Variants in SLC16A1 observed in about 807,000 individuals in gnomAD.
The protein encoded by SLC16A1 is monocarboxylate transporter 1.
Under a neutral mutation model 32.2 loss-of-function variants are expected in SLC16A1, and 11 were observed. The ratio of observed to expected loss-of-function variants is 0.34; its 90% CI spans 0.21 to 0.56. The LOEUF is 0.56. SLC16A1 is among the 20% of genes least tolerant of loss of function. SLC16A1 has a pLI of 0.87. For synonymous variants in SLC16A1, 231 were observed against 226.8 expected (o/e 1.02, Z -0.17); for missense variants, 435 against 615.0 (o/e 0.71, Z 3.10).
At chr1:112,924,130 C>A (rs1483684940) in intron 2 of SLC16A1, 3 of 1,414,656 alleles carry the variant, frequency 2.1e-6, no homozygotes, top group Non-Finnish European at 3.0e-6. Flanking sequence ...GCCAGCGCCC[C>A]CAGCATGACC....
chr1:112,934,817 C>G (rs767605633), intron 1 of SLC16A1, among the ~76,000 whole-genome samples: 6 of 152,122 alleles, frequency 3.9e-5, no homozygotes, highest in Non-Finnish European at 5.9e-5. Context: ...TGTTGTTCTT[C>G]CAGAGATACA....
At chr1:112,939,995 T>C (rs901159587) in intron 1 of SLC16A1, among the ~76,000 whole-genome samples, 3 of 151,560 alleles carry the variant, frequency 2.0e-5, no homozygotes, top group African/African-American at 7.3e-5. Context: ...TTTCAGATAA[T>C]TGAGGATATT....
chr1:112,955,656 C>T (rs987023579), intron 1 of SLC16A1: 2 of 152,328 alleles, frequency 1.3e-5, no homozygotes. Flanking sequence ...GGAGGTACCA[C>T]ATGCAGCAGC....
At chr1:112,942,150 T>C (rs956050168) in intron 1 of SLC16A1, among the ~76,000 whole-genome samples, 1 of 152,122 alleles carries the variant, frequency 6.6e-6, no homozygotes, top group Non-Finnish European at 1.5e-5. Context: ...TTTTGTATTT[T>C]TAGTACAGAC....
intron 1 of SLC16A1, among the ~76,000 whole-genome samples, chr1:112,948,733 C>G (rs1187647444): frequency 6.6e-6 from 1 of 152,124 alleles, no homozygotes. Flanking sequence ...GAACTCCTGA[C>G]CTCAGGTGTT....
At chr1:112,948,000 C>A (rs2101651353) in intron 1 of SLC16A1, among the ~76,000 whole-genome samples, 1 of 152,282 alleles carries the variant, frequency 6.6e-6, no homozygotes, top group Non-Finnish European at 1.5e-5. Context: ...GGGCGGATCA[C>A]CTGAGGTCAG....
At chr1:112,923,144 A>AG (rs1648797536) in intron 2 of SLC16A1, among the ~76,000 whole-genome samples, 3 of 151,590 alleles carry the variant, frequency 2.0e-5, no homozygotes, top group African/African-American at 2.4e-5. Flanking sequence ...ACATGGAGAA[A>AG]CCTCATCACT....
intron 1 of SLC16A1, among the ~76,000 whole-genome samples, chr1:112,939,265 T>A (rs1206135745): frequency 6.6e-6 from 1 of 152,192 alleles, no homozygotes; most frequent in Non-Finnish European, 1.5e-5. Flanking sequence ...AGGAAACCCA[T>A]GTACACTGTT....
chr1:112,955,726 G>T (rs894311968), intron 1 of SLC16A1: 1 of 152,266 alleles, frequency 6.6e-6, no homozygotes, highest in Non-Finnish European at 1.5e-5. Flanking sequence ...AAGACTTAGG[G>T]GGGAAGGGAC....
chr1:112,944,168 T>A (rs1028080409), intron 1 of SLC16A1, among the ~76,000 whole-genome samples: 1 of 152,144 alleles, frequency 6.6e-6, no homozygotes, highest in Admixed American at 6.6e-5. Flanking sequence ...AAAGAAAATA[T>A]GGCCAGGTAT....
At chr1:112,931,437 G>A (rs1261087770) in intron 1 of SLC16A1, among the ~76,000 whole-genome samples, 2 of 151,856 alleles carry the variant, frequency 1.3e-5, no homozygotes, top group Non-Finnish European at 2.9e-5. Context: ...CCTGAGATCA[G>A]GAGTTCGAGA....
chr1:112,929,527 A>ACACAGATCC (rs1649054394), intron 1 of SLC16A1, among the ~76,000 whole-genome samples, 175 bp from the exon 2 acceptor site: 1 of 152,114 alleles, frequency 6.6e-6, no homozygotes, highest in Admixed American at 6.6e-5. Flanking sequence ...AGCCCGGGCA[A>ACACAGATCC]CACAGATCCT....
At chr1:112,928,046 A>T (rs1381611436) in intron 2 of SLC16A1, among the ~76,000 whole-genome samples, 2 of 151,254 alleles carry the variant, frequency 1.3e-5, no homozygotes, top group Non-Finnish European at 3.0e-5. Context: ...TGAACTTATT[A>T]AAAAAAAACA....
rs1648754920 is a variant in SLC16A1, at chr1:112,922,036, G to C, written c.315C>G (p.Phe105Leu). Reference protein sequence around the residue: ...LSGCGLIAASFCNTVQQLYVC... With the variant: ...LSGCGLIAASLCNTVQQLYVC... ...CGTATAGTTGCTGTACGGTGTTACA[G>C]AAAGAAGCTGCAATCAAGCCACAGC... Residue 105 changes from phenylalanine (F) to leucine (L), a missense_variant, in exon 3 of 5, where the codon TTC becomes TTG. Physicochemically the swap from Phe to Leu is conservative, Grantham distance 22 (BLOSUM62 0). Transcript: ENST00000369626. 8 of 1,614,150 alleles carry C rather than the reference G, an allele frequency of 5.0e-6. No homozygotes were observed. Among genetic ancestry groups the C allele is most frequent in the Non-Finnish European group, 6.8e-6 (8 of 1,180,026 alleles).
chr1:112,939,390 A>G (rs1171908432), intron 1 of SLC16A1, among the ~76,000 whole-genome samples: 2 of 152,224 alleles, frequency 1.3e-5, no homozygotes, highest in East Asian at 1.9e-4. Context: ...ATATATCCAA[A>G]GGAACTGAAA....
intron 2 of SLC16A1, among the ~76,000 whole-genome samples, chr1:112,922,935 G>A (rs192930312): frequency 3.8e-4 from 57 of 151,786 alleles, no homozygotes; most frequent in African/African-American, 1.4e-3. Flanking sequence ...TTTTTGAGAC[G>A]GAGTCTCACT....
At chr1:112,945,493 G>A (rs1649667302) in intron 1 of SLC16A1, among the ~76,000 whole-genome samples, 1 of 151,076 alleles carries the variant, frequency 6.6e-6, no homozygotes, top group South Asian at 2.1e-4. Context: ...TGGCCAACGT[G>A]GTGAAACCCC....
intron 1 of SLC16A1, among the ~76,000 whole-genome samples, chr1:112,937,854 T>C (rs1168807109): frequency 6.6e-6 from 1 of 152,236 alleles, no homozygotes; most frequent in African/African-American, 2.4e-5. Context: ...AAATTCTTCA[T>C]TAATTCATCT....
At chr1:112,924,322 A>C in intron 2 of SLC16A1, 1 of 1,363,592 alleles carries the variant, frequency 7.3e-7, no homozygotes, top group African/African-American at 1.4e-5. Flanking sequence ...GTTGCTCACG[A>C]ATGTCCCAAC....
Sources: allele counts gnomAD v4.1 joint callset (sites outside exome capture counted in the v4.1 genomes callset), GRCh38; gene constraint gnomAD v4.1.1; transcripts MANE v1.5; gene names NCBI Gene and HGNC (gene_info 2026-07-23, HGNC 2026-07-21).